PAPPA2: variants seen among roughly 807,000 people sequenced by gnomAD.
The protein encoded by PAPPA2 is pappalysin 2.
PAPPA2 carries 86 observed loss-of-function variants against 176.4 expected under a neutral mutation model. The ratio of observed to expected loss-of-function variants is 0.49; its 90% CI spans 0.41 to 0.58. PAPPA2 has a LOEUF of 0.58. PAPPA2 is among the 20% of genes least tolerant of loss of function. The pLI is 0.00. For missense variants in PAPPA2, 2,073 were observed against 2,256.9 expected (o/e 0.92, Z 1.65); for synonymous variants, 809 against 852.2 (o/e 0.95, Z 0.88).
intron 3 of PAPPA2, among the ~76,000 whole-genome samples, chr1:176,623,356 T>C (rs1193176854): frequency 2.0e-5 from 3 of 152,142 alleles, no homozygotes; most frequent in Non-Finnish European, 4.4e-5. Flanking sequence ...TTTCTGATAA[T>C]TTGCTGTTGC....
intron 12 of PAPPA2, among the ~76,000 whole-genome samples, chr1:176,726,120 A>G (rs1042637335): frequency 6.6e-5 from 10 of 152,144 alleles, no homozygotes; most frequent in Admixed American, 5.9e-4. Flanking sequence ...TGGGAAACTT[A>G]TATTTTTTTC....
At chr1:176,631,801 G>A (rs10913222) in intron 3 of PAPPA2, among the ~76,000 whole-genome samples, 26,538 of 152,062 alleles carry the variant, frequency 0.17, 2,470 homozygotes, top group Middle Eastern at 0.23. Flanking sequence ...AAAGCTAAGG[G>A]TAAAGGCAGT....
At chr1:176,543,768 T>C (rs1014974900) in intron 1 of PAPPA2, among the ~76,000 whole-genome samples, 1 of 152,128 alleles carries the variant, frequency 6.6e-6, no homozygotes, top group Non-Finnish European at 1.5e-5. Context: ...CAGCAAGGGG[T>C]TGTATTTTCA....
chr1:176,605,799 A>G (rs1654577862), intron 3 of PAPPA2, among the ~76,000 whole-genome samples: 1 of 152,142 alleles, frequency 6.6e-6, no homozygotes, highest in Non-Finnish European at 1.5e-5. Context: ...AGGTCTGCAA[A>G]TCTCTCTCAG....
At chr1:176,583,090 ATCT>A (rs1653085716) in intron 2 of PAPPA2, among the ~76,000 whole-genome samples, 1 of 152,086 alleles carries the variant, frequency 6.6e-6, no homozygotes, top group Admixed American at 6.5e-5. Flanking sequence ...GAATTATAAC[ATCT>A]TCTCATTTCT....
chr1:176,480,011 C>A (rs1470234038), intron 1 of PAPPA2, among the ~76,000 whole-genome samples: 1 of 152,222 alleles, frequency 6.6e-6, no homozygotes, highest in Non-Finnish European at 1.5e-5. Context: ...TTTCCCCCTC[C>A]CTCTGGCCAC....
In PAPPA2 at chr1:176,765,925, C is replaced by T. The variant is rs541605228; in HGVS notation, c.4323+88C>T. The T allele has an allele frequency of 6.1e-6, 9 of 1,485,408 alleles. No homozygotes were observed. In the East Asian group the frequency reaches 2.1e-4, roughly 34 times the overall value. 92.0% of individuals were successfully genotyped at this position (1,485,408 alleles called of 1,614,324 possible). On this transcript the variant is annotated intron_variant, in intron 15 of 22. Coordinates refer to ENST00000367662, the MANE Select transcript of PAPPA2 (RefSeq NM_020318.3). Reference sequence around the variant, plus strand: ...TCTCTCTGGCTCCACAGGGAAAGAGCAGATGTTTTTAAACCATTTGAAAGC... The same window carrying T: ...TCTCTCTGGCTCCACAGGGAAAGAGTAGATGTTTTTAAACCATTTGAAAGC...
At chr1:176,810,702 A>C (rs1054902038) in intron 21 of PAPPA2, among the ~76,000 whole-genome samples, 1 of 152,216 alleles carries the variant, frequency 6.6e-6, no homozygotes, top group African/African-American at 2.4e-5. Flanking sequence ...TCACCTGGGC[A>C]CTTGCTAGAA....
intron 3 of PAPPA2, among the ~76,000 whole-genome samples, chr1:176,614,941 T>G (rs943098957): frequency 3.9e-5 from 6 of 152,162 alleles, no homozygotes; most frequent in Admixed American, 1.3e-4. Flanking sequence ...ACCCACTTCT[T>G]TTTTTGTAAG....
chr1:176,481,419 C>T (rs1428757257), intron 1 of PAPPA2, among the ~76,000 whole-genome samples: 1 of 151,970 alleles, frequency 6.6e-6, no homozygotes, highest in Non-Finnish European at 1.5e-5. Context: ...GTCTACCTCA[C>T]AAAGATCTAA....
chr1:176,642,336 C>A (rs74127216), intron 3 of PAPPA2, among the ~76,000 whole-genome samples: 1,644 of 151,724 alleles, frequency 0.011, 32 homozygotes, highest in African/African-American at 0.033. Flanking sequence ...TTTCTGTATT[C>A]TAAGTTATTT....
intron 21 of PAPPA2, among the ~76,000 whole-genome samples, chr1:176,818,785 C>A (rs1020346789): frequency 3.9e-5 from 6 of 152,168 alleles, no homozygotes; most frequent in Admixed American, 3.3e-4. Flanking sequence ...GGCAATTCCC[C>A]ACTTCATCCA....
intron 1 of PAPPA2, among the ~76,000 whole-genome samples, chr1:176,504,792 A>G (rs1463733908): frequency 6.6e-6 from 1 of 152,156 alleles, no homozygotes; most frequent in African/African-American, 2.4e-5. Context: ...TGCAAGGGCC[A>G]TCTCATGGTT....
chr1:176,572,267 G>A (rs1005953043), intron 2 of PAPPA2, among the ~76,000 whole-genome samples: 4 of 152,138 alleles, frequency 2.6e-5, no homozygotes, highest in Non-Finnish European at 4.4e-5. Context: ...TACTTAACCC[G>A]TGTCAATTCC....
chr1:176,490,490 A>G (rs1173918146), intron 1 of PAPPA2, among the ~76,000 whole-genome samples: 2 of 152,110 alleles, frequency 1.3e-5, no homozygotes, highest in Non-Finnish European at 2.9e-5. Context: ...GTCCCAGCTT[A>G]TATTTGTGAT....
intron 4 of PAPPA2, among the ~76,000 whole-genome samples, chr1:176,674,734 GTT>G (rs765026167): frequency 9.5e-5 from 13 of 137,266 alleles, no homozygotes; most frequent in South Asian, 4.6e-4. Flanking sequence ...GTGTGCAAGT[GTT>G]TTTTTTTTTT....
chr1:176,468,949 C>T (rs551582419), intron 1 of PAPPA2, among the ~76,000 whole-genome samples: 46 of 152,326 alleles, frequency 3.0e-4, no homozygotes, highest in Non-Finnish European at 3.5e-4. Flanking sequence ...TTTCATTAAA[C>T]ACTCACCAGA....
intron 1 of PAPPA2, among the ~76,000 whole-genome samples, chr1:176,515,057 T>G (rs975267845): frequency 2.6e-5 from 4 of 152,212 alleles, no homozygotes; most frequent in Non-Finnish European, 4.4e-5. Context: ...GGGCAAGATA[T>G]TCACAATATT....
intron 2 of PAPPA2, among the ~76,000 whole-genome samples, chr1:176,580,303 C>G (rs961468045): frequency 6.6e-6 from 1 of 152,158 alleles, no homozygotes; most frequent in African/African-American, 2.4e-5. Flanking sequence ...ACATAATGTC[C>G]TCCAGTTCTA....
Sources: allele counts gnomAD v4.1 joint callset (sites outside exome capture counted in the v4.1 genomes callset), GRCh38; gene constraint gnomAD v4.1.1; transcripts MANE v1.5; gene names NCBI Gene and HGNC (gene_info 2026-07-23, HGNC 2026-07-21).